CADM1: variants seen among roughly 807,000 people sequenced by gnomAD.
The protein encoded by CADM1 is TSLC-1.
A neutral mutation model predicts 53.1 loss-of-function variants in CADM1; 15 were observed. That is an observed-to-expected ratio of 0.28 (90% confidence interval 0.19 to 0.44). CADM1 has a LOEUF of 0.44. CADM1 is among the 20% of genes least tolerant of loss of function. The pLI is 1.00. For missense variants in CADM1, 434 were observed against 611.3 expected (o/e 0.71, Z 3.06); for synonymous variants, 281 against 243.0 (o/e 1.16, Z -1.45).
intron 1 of CADM1, among the ~76,000 whole-genome samples, chr11:115,425,519 G>A (rs1413522515): frequency 6.6e-6 from 1 of 152,156 alleles, no homozygotes; most frequent in Admixed American, 6.5e-5. Flanking sequence ...ACATCTCTAG[G>A]CATTATGCAG....
intron 1 of CADM1, among the ~76,000 whole-genome samples, chr11:115,467,906 T>A (rs1591275683): frequency 6.6e-6 from 1 of 152,340 alleles, no homozygotes; most frequent in East Asian, 1.9e-4. Flanking sequence ...AGTCATAAAG[T>A]TGTCTAAAGT....
chr11:115,430,384 C>T (rs1359502874), intron 1 of CADM1, among the ~76,000 whole-genome samples: 1 of 152,138 alleles, frequency 6.6e-6, no homozygotes, highest in Non-Finnish European at 1.5e-5. Context: ...GGTTTTCTTC[C>T]TATAATGTGT....
At chr11:115,480,635 G>T (rs766430654) in intron 1 of CADM1, among the ~76,000 whole-genome samples, 2 of 152,078 alleles carry the variant, frequency 1.3e-5, no homozygotes, top group African/African-American at 4.8e-5. Context: ...GCACACAAGG[G>T]GCCTTGGGTC....
At chr11:115,415,106 G>A (rs527345775) in intron 1 of CADM1, among the ~76,000 whole-genome samples, 1 of 152,340 alleles carries the variant, frequency 6.6e-6, no homozygotes, top group African/African-American at 2.4e-5. Flanking sequence ...TCAAATCCCA[G>A]TTAAAATATG....
intron 1 of CADM1, among the ~76,000 whole-genome samples, chr11:115,493,966 G>A (rs965904296): frequency 6.6e-6 from 1 of 152,140 alleles, no homozygotes; most frequent in African/African-American, 2.4e-5. Context: ...CAAAGTAACT[G>A]GGGAAATATG....
intron 1 of CADM1, among the ~76,000 whole-genome samples, chr11:115,281,077 G>A (rs932326399): frequency 2.0e-5 from 3 of 152,304 alleles, no homozygotes; most frequent in Non-Finnish European, 4.4e-5. Context: ...CCGGTAGATT[G>A]GGAAAATCCA....
chr11:115,312,816 G>T (rs1021105543), intron 1 of CADM1, among the ~76,000 whole-genome samples: 1 of 152,102 alleles, frequency 6.6e-6, no homozygotes, highest in Non-Finnish European at 1.5e-5. Context: ...TTGTGGGAAC[G>T]TAGCAGAAGA....
chr11:115,230,163 T>C (rs137918177), intron 4 of CADM1, among the ~76,000 whole-genome samples: 40 of 152,308 alleles, frequency 2.6e-4, no homozygotes, highest in African/African-American at 9.4e-4. Flanking sequence ...AAGTAGGAGA[T>C]TAAAACAGAA....
intron 1 of CADM1, among the ~76,000 whole-genome samples, chr11:115,438,448 G>A (rs1462954819): frequency 6.6e-6 from 1 of 152,044 alleles, no homozygotes; most frequent in Non-Finnish European, 1.5e-5. Context: ...TTTTCCAACA[G>A]ATGTTCTACA....
At chr11:115,186,239 C>T (rs565292514) in intron 10 of CADM1, among the ~76,000 whole-genome samples, 24 of 152,290 alleles carry the variant, frequency 1.6e-4, no homozygotes, top group African/African-American at 4.3e-4. Flanking sequence ...CTTAGGGTCA[C>T]CTCCCAGGGG....
At chr11:115,379,338 C>T (rs1946518689) in intron 1 of CADM1, among the ~76,000 whole-genome samples, 1 of 152,098 alleles carries the variant, frequency 6.6e-6, no homozygotes. Flanking sequence ...ATTAAAATAT[C>T]CACAATACTG....
chr11:115,498,695 AC>A (rs1219843965), intron 1 of CADM1, among the ~76,000 whole-genome samples: 1 of 152,240 alleles, frequency 6.6e-6, no homozygotes, highest in East Asian at 1.9e-4. Flanking sequence ...CTTTGCTTTC[AC>A]CAACTGCAAC....
chr11:115,213,024 A>T (rs1343185434), intron 7 of CADM1, among the ~76,000 whole-genome samples: 1 of 152,260 alleles, frequency 6.6e-6, no homozygotes, highest in East Asian at 1.9e-4. Context: ...AAAACTGTTT[A>T]TCCAGATAAC....
At chr11:115,447,683 C>T (rs1948481412) in intron 1 of CADM1, among the ~76,000 whole-genome samples, 1 of 152,152 alleles carries the variant, frequency 6.6e-6, no homozygotes, top group African/African-American at 2.4e-5. Flanking sequence ...GCAGAGCAGC[C>T]AGGAGCAAAC....
At chr11:115,316,892 CAA>C (rs774270362) in intron 1 of CADM1, among the ~76,000 whole-genome samples, 3 of 152,198 alleles carry the variant, frequency 2.0e-5, no homozygotes, top group East Asian at 3.9e-4. Flanking sequence ...TCCTAGTCAG[CAA>C]AAGTTAATGA....
intron 1 of CADM1, among the ~76,000 whole-genome samples, chr11:115,490,223 C>T (rs972525806): frequency 2.0e-5 from 3 of 151,986 alleles, no homozygotes; most frequent in African/African-American, 7.3e-5. Flanking sequence ...CTACTTTCCT[C>T]GTCTGTAAAA....
chr11:115,183,987 GT>G lies in CADM1; in HGVS notation c.1166-5213del, dbSNP rs370717225. 6.7e-3 allele frequency among the ~76,000 whole-genome samples: 1,018 copies of G among 152,258 alleles called. 15 individuals are homozygous for G. The highest frequency in any genetic ancestry group is 0.022 in the African/African-American group (929 of 41,538). ...GGCTCAGTTTTAGTTCCTTTCCTGG[GT>G]GGAGATCTTGCTGGACAAGTCAGTT... On this transcript the variant is annotated intron_variant, in intron 10 of 11. Transcript: ENST00000331581.
chr11:115,459,117 A>G (rs183457708), intron 1 of CADM1, among the ~76,000 whole-genome samples: 4 of 152,304 alleles, frequency 2.6e-5, no homozygotes, highest in African/African-American at 2.4e-5. Context: ...CCAATTAAAT[A>G]TGTTGGGTTC....
chr11:115,289,487 A>G (rs1468001482), intron 1 of CADM1, among the ~76,000 whole-genome samples: 1 of 152,126 alleles, frequency 6.6e-6, no homozygotes, highest in Non-Finnish European at 1.5e-5. Flanking sequence ...TTCTGGTACA[A>G]TGAAAATGTT....
Sources: allele counts gnomAD v4.1 joint callset (sites outside exome capture counted in the v4.1 genomes callset), GRCh38; gene constraint gnomAD v4.1.1; transcripts MANE v1.5; gene names NCBI Gene and HGNC (gene_info 2026-07-23, HGNC 2026-07-21).